The following DPP10 variants were observed in gnomAD, a reference collection of about 807,000 sequenced individuals.
DPP10 encodes the protein inactive dipeptidyl peptidase 10.
Under a neutral mutation model 120.9 loss-of-function variants are expected in DPP10, and 33 were observed. The ratio of observed to expected loss-of-function variants is 0.27; its 90% CI spans 0.21 to 0.37. The LOEUF (loss-of-function observed/expected upper bound fraction) is 0.37, where lower values mean the gene tolerates loss of function less well. Ranked by LOEUF, DPP10 falls within the 10% of genes least tolerant of loss-of-function variation. The pLI is 1.00. For missense variants in DPP10, 816 were observed against 942.8 expected (o/e 0.87, Z 1.76); for synonymous variants, 337 against 326.1 (o/e 1.03, Z -0.36).
At chr2:115,590,629 C>A (rs546057590) in intron 5 of DPP10, among the ~76,000 whole-genome samples, 1 of 147,742 alleles carries the variant, frequency 6.8e-6, no homozygotes, top group African/African-American at 2.7e-5. Flanking sequence ...AATAAACATA[C>A]GTGTGAATGT....
chr2:114,480,207 C>T (rs1680900192), intron 1 of DPP10, among the ~76,000 whole-genome samples: 2 of 151,052 alleles, frequency 1.3e-5, no homozygotes, highest in Non-Finnish European at 2.9e-5. Flanking sequence ...CAGGAAACAA[C>T]AGGTGCTGGA....
chr2:114,843,568 C>T lies in DPP10; in HGVS notation c.60+400730C>T, dbSNP rs566846656. ...CTTAAATTTCAGTGTTTGTCATTAT[C>T]ATTCACAGAGCTTATCTGTATTGAC... On this transcript the variant is annotated intron_variant, in intron 1 of 25. Coordinates refer to ENST00000410059, the MANE Select transcript of DPP10 (RefSeq NM_020868.6). Among the ~76,000 whole-genome samples the T allele has an allele frequency of 3.9e-5, 6 of 152,246 alleles. 1 individual carries two copies. In the South Asian group the frequency reaches 1.2e-3, roughly 32 times the overall value.
At chr2:115,839,184 A>C (rs535066981) in intron 24 of DPP10, among the ~76,000 whole-genome samples, 3 of 152,194 alleles carry the variant, frequency 2.0e-5, no homozygotes, top group Non-Finnish European at 4.4e-5. Context: ...TAGCAATGAC[A>C]AGGTCATTTT....
chr2:115,598,188 C>CT (rs149818430), intron 5 of DPP10, among the ~76,000 whole-genome samples: 3,280 of 151,320 alleles, frequency 0.022, 54 homozygotes, highest in Non-Finnish European at 0.034. Context: ...TCTTATGGGC[C>CT]TTTTTTTTAA....
intron 1 of DPP10, among the ~76,000 whole-genome samples, chr2:114,587,008 A>G (rs1431566779): frequency 1.3e-5 from 2 of 152,082 alleles, no homozygotes; most frequent in Non-Finnish European, 2.9e-5. Context: ...TATAAATTAT[A>G]CAGCCTAGGC....
intron 1 of DPP10, among the ~76,000 whole-genome samples, chr2:115,111,401 G>A (rs2049212103): frequency 6.6e-6 from 1 of 152,116 alleles, no homozygotes; most frequent in Admixed American, 6.6e-5. Flanking sequence ...GAGACAAAGT[G>A]AGATTAAACA....
chr2:114,527,674 A>G (rs1217766877), intron 1 of DPP10, among the ~76,000 whole-genome samples: 1 of 152,146 alleles, frequency 6.6e-6, no homozygotes, highest in Non-Finnish European at 1.5e-5. Flanking sequence ...TGACAGAGAT[A>G]TGTTCTGAGA....
At chr2:114,536,339 T>C (rs1686483468) in intron 1 of DPP10, among the ~76,000 whole-genome samples, 1 of 152,156 alleles carries the variant, frequency 6.6e-6, no homozygotes, top group Admixed American at 6.5e-5. Flanking sequence ...ATTCACTCAC[T>C]GGCCTAGGAT....
intron 1 of DPP10, among the ~76,000 whole-genome samples, chr2:115,087,533 C>CTT (rs1310507943): frequency 0.028 from 2,568 of 92,238 alleles, 164 homozygotes; most frequent in Middle Eastern, 0.047. Context: ...CTTTTCTTTT[C>CTT]TTTTCTTTTT....
intron 1 of DPP10, among the ~76,000 whole-genome samples, chr2:114,475,111 C>T (rs945652035): frequency 6.6e-6 from 1 of 152,160 alleles, no homozygotes; most frequent in Non-Finnish European, 1.5e-5. Flanking sequence ...TTGGTTTATC[C>T]TGAAGAAGAG....
At chr2:114,875,891 A>C (rs991007967) in intron 1 of DPP10, among the ~76,000 whole-genome samples, 1 of 152,158 alleles carries the variant, frequency 6.6e-6, no homozygotes, top group Non-Finnish European at 1.5e-5. Context: ...AGAGCCCTAA[A>C]TTTCAGCAGC....
intron 1 of DPP10, among the ~76,000 whole-genome samples, chr2:114,613,089 C>T (rs1342779886): frequency 6.6e-6 from 1 of 152,140 alleles, no homozygotes; most frequent in Non-Finnish European, 1.5e-5. Flanking sequence ...GCACCTTGCA[C>T]AGTTTCTGGT....
At chr2:115,141,639 C>T (rs7571413) in intron 1 of DPP10, among the ~76,000 whole-genome samples, 72,683 of 152,040 alleles carry the variant, frequency 0.48, 18,754 homozygotes, top group Non-Finnish European at 0.57. Flanking sequence ...ATATTAAATT[C>T]GGAAAAGAAA....
chr2:114,765,254 G>A (rs2106120327), intron 1 of DPP10, among the ~76,000 whole-genome samples: 1 of 152,230 alleles, frequency 6.6e-6, no homozygotes, highest in Middle Eastern at 3.4e-3. Context: ...GTAAAATTAT[G>A]TGTCGTTGGG....
At chr2:114,594,443 T>C (rs555639761) in intron 1 of DPP10, among the ~76,000 whole-genome samples, 39 of 148,376 alleles carry the variant, frequency 2.6e-4, no homozygotes, top group Non-Finnish European at 3.0e-4. Context: ...AGGGAGCTTA[T>C]ATGTGAACAC....
intron 1 of DPP10, among the ~76,000 whole-genome samples, chr2:115,270,834 C>A (rs2059667547): frequency 6.6e-6 from 1 of 152,150 alleles, no homozygotes; most frequent in Admixed American, 6.5e-5. Context: ...AAGCTACTGA[C>A]TGTCAATTAT....
intron 1 of DPP10, among the ~76,000 whole-genome samples, chr2:114,844,816 T>C (rs951515728): frequency 6.6e-6 from 1 of 152,058 alleles, no homozygotes; most frequent in Non-Finnish European, 1.5e-5. Flanking sequence ...GTAAGGAACT[T>C]ATACAAAACT....
At chr2:115,247,955 A>T (rs1475878733) in intron 1 of DPP10, among the ~76,000 whole-genome samples, 1 of 152,110 alleles carries the variant, frequency 6.6e-6, no homozygotes, top group Non-Finnish European at 1.5e-5. Flanking sequence ...CAGGGAGAGC[A>T]TAACATGGTA....
chr2:115,690,733 A>G (rs1416192584), intron 7 of DPP10, among the ~76,000 whole-genome samples: 1 of 152,162 alleles, frequency 6.6e-6, no homozygotes, highest in Non-Finnish European at 1.5e-5. Context: ...ATATTCTTGT[A>G]CATATCTCAT....
Sources: gnomAD v4.1 joint callset for allele counts (sites outside exome capture counted in the v4.1 genomes callset) on GRCh38, gnomAD v4.1.1 for gene constraint, MANE v1.5 for transcripts, NCBI Gene and HGNC (gene_info 2026-07-23, HGNC 2026-07-21) for gene names.